Variants in PPEF2 observed in about 807,000 individuals in gnomAD.
The protein encoded by PPEF2 is protein phosphatase with EF-hand domain 2.
In PPEF2, 84 loss-of-function variants were observed where a neutral mutation model predicts 84.7. That is an observed-to-expected ratio of 0.99 (90% CI 0.83 to 1.19). The LOEUF is 1.19. Ranked by LOEUF, PPEF2 falls within the 50% of genes most tolerant of loss-of-function variation. The pLI is 0.00. For synonymous variants in PPEF2, 346 were observed against 345.2 expected (o/e 1.00, Z -0.03); for missense variants, 924 against 937.5 (o/e 0.99, Z 0.19).
chr4:75,868,484 A>G lies in PPEF2; in HGVS notation c.1650-1065T>C, dbSNP rs933633789. Among the ~76,000 whole-genome samples the G allele has an allele frequency of 1.2e-4, 18 of 152,264 alleles. No homozygotes were observed. In the East Asian group the frequency reaches 2.9e-3, roughly 24 times the overall value. ...CATGTTTGATGAAAATCTTACTGCA[A>G]TTGAAGGCATTTAACATGACAGTCT... On this transcript the variant is annotated intron_variant, in intron 13 of 16. Coordinates refer to ENST00000286719, the MANE Select transcript of PPEF2 (RefSeq NM_006239.3).
Position 75,878,341 on chromosome 4 carries a change from G to T in PPEF2, c.934-1668C>A, listed in dbSNP as rs574696035. 1.2e-3 allele frequency among the ~76,000 whole-genome samples: 185 copies of T among 152,324 alleles called. 1 individual carries two copies. Among genetic ancestry groups the T allele is most frequent in the Non-Finnish European group, 2.4e-3 (166 of 68,026 alleles). On this transcript the variant is annotated intron_variant, in intron 10 of 16. Transcript: ENST00000286719. ...GCAAAAAGAGAGAGCAGCCATTCCT[G>T]CTGTGCCTCAGTGCTATGGTGAACC...
intron 13 of PPEF2, among the ~76,000 whole-genome samples, chr4:75,871,376 G>C (rs1415092470): frequency 6.6e-6 from 1 of 152,166 alleles, no homozygotes; most frequent in African/African-American, 2.4e-5. Context: ...TTAAAGATGA[G>C]AGAAAATAGA....
Position 75,883,165 on chromosome 4 carries a change from C to T in PPEF2, c.783+1G>A, listed in dbSNP as rs746942124. The T allele has an allele frequency of 1.1e-5, 18 of 1,613,776 alleles. No homozygotes were observed. In the South Asian group the frequency reaches 1.9e-4, roughly 17 times the overall value. ...AACTTTTGTCTTTAAAGGCAGCGCA[C>T]CTTGTATTTATTCATCACTTCCTTG... On this transcript the variant is annotated splice_donor_variant, in intron 9 of 16. Coordinates refer to ENST00000286719, the MANE Select transcript of PPEF2 (RefSeq NM_006239.3). LOFTEE classifies it high-confidence loss of function.
At chr4:75,871,209 C>T (rs1044137788) in intron 13 of PPEF2, among the ~76,000 whole-genome samples, 2 of 152,042 alleles carry the variant, frequency 1.3e-5, no homozygotes, top group Non-Finnish European at 1.5e-5. Flanking sequence ...CGTGAGCCAC[C>T]GCGCCCGGCC....
At chr4:75,872,261 T>G in intron 12 of PPEF2, 94 bp from the exon 13 acceptor site, 1 of 1,228,286 alleles carries the variant, frequency 8.1e-7, no homozygotes, top group Non-Finnish European at 1.1e-6. Context: ...CAGAAGCTGC[T>G]GTTTCTCCTA....
intron 16 of PPEF2, among the ~76,000 whole-genome samples, chr4:75,863,893 G>A (rs548161635): frequency 3.8e-4 from 54 of 142,580 alleles, no homozygotes; most frequent in African/African-American, 1.2e-3. Context: ...TTTTTTCCGC[G>A]ACAGAGTCTC....
chr4:75,890,200 A>C, intron 4 of PPEF2, 68 bp from the exon 5 acceptor site: 1 of 1,564,994 alleles, frequency 6.4e-7, no homozygotes, highest in Non-Finnish European at 8.8e-7. Context: ...GCACTATAGA[A>C]TAGTCCTTGG....
At chr4:75,865,566 A>G (rs1302832482) in intron 15 of PPEF2, among the ~76,000 whole-genome samples, 1 of 151,952 alleles carries the variant, frequency 6.6e-6, no homozygotes, top group African/African-American at 2.4e-5. Context: ...TTGTATTTTT[A>G]GAAGAGACGG....
At chr4:75,861,064 G>A (rs1723988778) in intron 16 of PPEF2, 144 bp from the exon 17 acceptor site, 1 of 995,720 alleles carries the variant, frequency 1.0e-6, no homozygotes, top group Middle Eastern at 3.1e-4. Context: ...CTCCCAAGAG[G>A]ATCACACAAA....
chr4:75,891,250 G>T (rs72651348), intron 4 of PPEF2, among the ~76,000 whole-genome samples: 3,804 of 151,766 alleles, frequency 0.025, 61 homozygotes, highest in African/African-American at 0.031. Context: ...CTCCCCAGCC[G>T]CTTTCAACCA....
intron 4 of PPEF2, 116 bp from the exon 5 acceptor site, chr4:75,890,248 G>T: frequency 9.0e-7 from 1 of 1,114,194 alleles, no homozygotes. Context: ...AAATTTGCGG[G>T]GCCAAGGAGG....
At chr4:75,869,304 C>T (rs751827676) in intron 13 of PPEF2, among the ~76,000 whole-genome samples, 6 of 152,276 alleles carry the variant, frequency 3.9e-5, no homozygotes, top group Non-Finnish European at 7.4e-5. Flanking sequence ...TAAGCACTTA[C>T]TAAATGCAGA....
chr4:75,882,208 A>G (rs1039015646), intron 10 of PPEF2, among the ~76,000 whole-genome samples: 8 of 152,130 alleles, frequency 5.3e-5, no homozygotes, highest in South Asian at 2.1e-4. Flanking sequence ...TCTCTGTAAC[A>G]CTTTCTTTGC....
intron 10 of PPEF2, among the ~76,000 whole-genome samples, chr4:75,879,893 G>A (rs1578008081): frequency 2.6e-5 from 4 of 151,602 alleles, no homozygotes; most frequent in South Asian, 4.2e-4. Flanking sequence ...GCAGTGGTGC[G>A]ATCTCGGCTT....
chr4:75,891,683 A>G lies in PPEF2; in HGVS notation c.206T>C (p.Leu69Pro). The G allele has an allele frequency of 6.2e-7, 1 of 1,611,826 alleles. No homozygotes were observed. Among genetic ancestry groups the G allele is most frequent in the South Asian group, 1.1e-5 (1 of 90,606 alleles). Residue 69 changes from leucine to proline, a missense_variant, in exon 4 of 17, where the codon CTC (leucine) becomes CCC (proline). Leu to Pro is a moderately conservative substitution (Grantham distance 98). Transcript: ENST00000286719. ...QVKLHDFFSY[L>P]MDHFIPSSHN... Reference sequence around the variant, plus strand: ...GCTGCTGGGGATGAAGTGATCCATGAGATAGCTGAAGAAGTCATGGAGCTG... The same window carrying G: ...GCTGCTGGGGATGAAGTGATCCATGGGATAGCTGAAGAAGTCATGGAGCTG...
chr4:75,862,222 G>A (rs1724021588), intron 16 of PPEF2, among the ~76,000 whole-genome samples: 1 of 145,576 alleles, frequency 6.9e-6, no homozygotes, highest in African/African-American at 2.5e-5. Context: ...GAACCCAGGA[G>A]GCGGAGGTTG....
intron 14 of PPEF2, among the ~76,000 whole-genome samples, chr4:75,866,752 T>TA (rs1366500281): frequency 1.3e-5 from 2 of 152,176 alleles, no homozygotes; most frequent in East Asian, 1.9e-4. Flanking sequence ...ATTGGTTATT[T>TA]AAAAAAAATT....
chr4:75,887,100 G>A (rs557022761), intron 6 of PPEF2, among the ~76,000 whole-genome samples: 6 of 152,130 alleles, frequency 3.9e-5, no homozygotes, highest in Admixed American at 2.0e-4. Flanking sequence ...TTTTTCTGCC[G>A]GATTATTATA....
chr4:75,890,578 A>T (rs1724854336), intron 4 of PPEF2, among the ~76,000 whole-genome samples: 1 of 152,126 alleles, frequency 6.6e-6, no homozygotes, highest in Admixed American at 6.6e-5. Context: ...AGAAGAGGAA[A>T]AAGGAAGGAG....
Sources: allele counts gnomAD v4.1 joint callset (sites outside exome capture counted in the v4.1 genomes callset), GRCh38; gene constraint gnomAD v4.1.1; transcripts MANE v1.5; gene names NCBI Gene and HGNC (gene_info 2026-07-23, HGNC 2026-07-21).